KLF13: variants seen among roughly 807,000 people sequenced by gnomAD.
KLF13 encodes KLF transcription factor 13, also known as Krueppel-like factor 13.
In KLF13, 8 loss-of-function variants were observed where a neutral mutation model predicts 16.7. The ratio of observed to expected loss-of-function variants is 0.48; its 90% CI spans 0.28 to 0.87. The LOEUF (loss-of-function observed/expected upper bound fraction) is 0.87, where lower values mean the gene tolerates loss of function less well. Among genes scored for constraint, KLF13 ranks in the 40% least tolerant of loss-of-function variants. KLF13 has a pLI of 0.10. For synonymous variants in KLF13, 245 were observed against 208.4 expected, an observed-to-expected ratio of 1.18 and a Z score of -1.51; for missense variants, 447 against 452.2, an observed-to-expected ratio of 0.99 and a Z score of 0.10.
intron 1 of KLF13, among the ~76,000 whole-genome samples, chr15:31,361,520 G>A (rs1223666487): frequency 6.6e-6 from 1 of 152,144 alleles, no homozygotes; most frequent in Non-Finnish European, 1.5e-5. Flanking sequence ...GAGCTTAGCA[G>A]GGTGGGGTCC....
intron 1 of KLF13, among the ~76,000 whole-genome samples, chr15:31,361,760 G>T (rs2039392421): frequency 6.6e-6 from 1 of 152,122 alleles, no homozygotes; most frequent in Non-Finnish European, 1.5e-5. Context: ...AGAAGCAGTT[G>T]GACTTCTCTG....
chr15:31,410,004 T>A (rs568398127), intron 1 of KLF13, among the ~76,000 whole-genome samples: 48 of 152,320 alleles, frequency 3.2e-4, no homozygotes, highest in African/African-American at 1.1e-3. Context: ...TTCTTAATTT[T>A]AATTGCTCTA....
In KLF13 at chr15:31,339,887, C is replaced by T. The variant is rs896984117; in HGVS notation, c.577+12098C>T. 17 of 690,078 alleles carry T rather than the reference C, an allele frequency of 2.5e-5. No individual in the cohort carries two copies. In the East Asian group the frequency reaches 3.2e-4, roughly 13 times the overall value. The allele number at this position is 690,078 out of a possible 1,614,324, so 42.7% of individuals were successfully genotyped here. Reference sequence around the variant, plus strand: ...TGTGGGAGATGCAGCAGCGGGCTCTCGTGCAGGCCTGACCCTTCACCTTGG... The same window carrying T: ...TGTGGGAGATGCAGCAGCGGGCTCTTGTGCAGGCCTGACCCTTCACCTTGG... On this transcript the variant is annotated intron_variant, in intron 1 of 1. Coordinates refer to ENST00000307145, the MANE Select transcript of KLF13 (RefSeq NM_015995.4).
chr15:31,414,296 A>G (rs2040230872), intron 1 of KLF13, among the ~76,000 whole-genome samples: 1 of 152,188 alleles, frequency 6.6e-6, no homozygotes, highest in Non-Finnish European at 1.5e-5. Flanking sequence ...AAAAGCAGTA[A>G]AGCAGCAATG....
At chr15:31,429,920 G>A (rs1387756808) in intron 1 of KLF13, among the ~76,000 whole-genome samples, 1 of 151,996 alleles carries the variant, frequency 6.6e-6, no homozygotes, top group Non-Finnish European at 1.5e-5. Context: ...ATTTTTAGTA[G>A]TGACAGGGTT....
chr15:31,361,036 A>T (rs985643734), intron 1 of KLF13, among the ~76,000 whole-genome samples: 1 of 152,100 alleles, frequency 6.6e-6, no homozygotes, highest in African/African-American at 2.4e-5. Flanking sequence ...CTCCTTCCTC[A>T]GCTGCAGCCT....
At chr15:31,427,913 G>A (rs1595516672) in intron 1 of KLF13, among the ~76,000 whole-genome samples, 2 of 152,210 alleles carry the variant, frequency 1.3e-5, no homozygotes, top group East Asian at 3.9e-4. Flanking sequence ...GAAGAAATCT[G>A]TCCCCATGAT....
At chr15:31,379,193 G>A (rs931912140), downstream of KLF13, among the ~76,000 whole-genome samples, 12 of 152,298 alleles carry the variant, frequency 7.9e-5, no homozygotes, top group South Asian at 6.2e-4. Context: ...GGAGGGAGGC[G>A]TGAAATGAAT....
At chr15:31,392,062 C>A (rs2039879349), upstream of KLF13, among the ~76,000 whole-genome samples, 5 of 151,960 alleles carry the variant, frequency 3.3e-5, no homozygotes. Flanking sequence ...GCCAGCTGCC[C>A]ACTCGCCCCC....
intron 1 of KLF13, among the ~76,000 whole-genome samples, chr15:31,343,890 C>G (rs2140941420): frequency 6.6e-6 from 1 of 152,242 alleles, no homozygotes; most frequent in East Asian, 1.9e-4. Flanking sequence ...CTCTTGATCT[C>G]CTGTCCCCAC....
upstream of KLF13, among the ~76,000 whole-genome samples, chr15:31,389,463 A>G (rs186642049): frequency 4.2e-3 from 641 of 152,262 alleles, 16 homozygotes; most frequent in Admixed American, 0.036. Context: ...ATCAACTGTA[A>G]TTACCTCCAG....
Position 31,327,374 on chromosome 15 carries a change from C to T in KLF13, c.162C>T (p.Asp54=), listed in dbSNP as rs1354846287. The change falls in exon 1 of 2, where the codon GAC becomes GAT. Residue 54 remains aspartate, a synonymous_variant. Coordinates refer to ENST00000307145, the MANE Select transcript of KLF13 (RefSeq NM_015995.4). ...PTLPRVEERR[D]GKDSASLFVV... ...TGCCCCGCGTCGAGGAGCGCCGCGA[C>T]GGTAAGGACAGCGCCTCGCTCTTCG... The T allele has an allele frequency of 8.0e-7, 1 of 1,248,128 alleles. No homozygotes were observed. Among genetic ancestry groups the T allele is most frequent in the Non-Finnish European group, 1.0e-6 (1 of 993,482 alleles). 77.3% of individuals were successfully genotyped at this position (1,248,128 alleles called of 1,614,324 possible). A position where few individuals can be genotyped will look rare whatever the true frequency, so the allele number is the denominator to read the frequency against.
intron 1 of KLF13, among the ~76,000 whole-genome samples, chr15:31,427,604 TAC>T (rs2040415181): frequency 1.3e-5 from 2 of 152,336 alleles, no homozygotes; most frequent in African/African-American, 4.8e-5. Context: ...AAGTGTGGTA[TAC>T]ACATACAATG....
chr15:31,367,155 G>A (rs892419505), intron 1 of KLF13, among the ~76,000 whole-genome samples: 1 of 152,184 alleles, frequency 6.6e-6, no homozygotes, highest in African/African-American at 2.4e-5. Flanking sequence ...CCTTCTCTGG[G>A]CTGCTCCTTG....
At position 31,413,810 on chromosome 15, in the gene KLF13, A is replaced by G. The variant is rs1453329145; in HGVS notation, n.117+20119A>G. On this transcript the variant is annotated intron_variant and non_coding_transcript_variant, in intron 1 of 1. Transcript: ENST00000558225. ...AATTTGTTCCACAGAAACAAAGAGTATCAGTGAAAGTTACTGTCTTTTAAA... is the reference window on the plus strand; with the variant it reads ...AATTTGTTCCACAGAAACAAAGAGTGTCAGTGAAAGTTACTGTCTTTTAAA... 2.6e-5 allele frequency among the ~76,000 whole-genome samples: 4 copies of G among 152,224 alleles called. No individual in the cohort carries two copies. In the East Asian group the frequency reaches 7.7e-4, roughly 29 times the overall value.
At chr15:31,420,539 C>G (rs1167994219) in intron 1 of KLF13, 3 of 541,660 alleles carry the variant, frequency 5.5e-6, no homozygotes, top group Admixed American at 4.8e-5. Context: ...CATCCAGAGC[C>G]TGCTAGGAGA....
At chr15:31,343,950 T>C (rs1424105025) in intron 1 of KLF13, among the ~76,000 whole-genome samples, 1 of 152,142 alleles carries the variant, frequency 6.6e-6, no homozygotes, top group Non-Finnish European at 1.5e-5. Context: ...TCAGTGTCCC[T>C]CCCTCTGAGA....
chr15:31,402,256 G>A (rs1251190969), intron 2 of KLF13, among the ~76,000 whole-genome samples: 4 of 152,202 alleles, frequency 2.6e-5, no homozygotes, highest in Admixed American at 1.3e-4. Context: ...GGGAGAAGAT[G>A]TGCCCCCGCC....
intron 1 of KLF13, among the ~76,000 whole-genome samples, chr15:31,354,409 A>G (rs2039266655): frequency 1.3e-5 from 2 of 152,104 alleles, no homozygotes; most frequent in South Asian, 4.1e-4. Context: ...AGACAGAGTT[A>G]CACTCCTGTT....
Sources: gnomAD v4.1 joint callset for allele counts (sites outside exome capture counted in the v4.1 genomes callset) on GRCh38, gnomAD v4.1.1 for gene constraint, MANE v1.5 for transcripts, NCBI Gene and HGNC (gene_info 2026-07-23, HGNC 2026-07-21) for gene names.